Variants in EIF5B observed in about 807,000 individuals in gnomAD.
The protein encoded by EIF5B is eIF-5B.
Under a neutral mutation model 147.5 loss-of-function variants are expected in EIF5B, and 47 were observed. The ratio of observed to expected loss-of-function variants is 0.32; its 90% CI spans 0.25 to 0.41. EIF5B has a LOEUF of 0.41. Ranked by LOEUF, EIF5B falls within the 10% of genes least tolerant of loss-of-function variation. The pLI, the probability that EIF5B is intolerant of heterozygous loss-of-function variation, is 1.00. For synonymous variants in EIF5B, 455 were observed against 456.2 expected, an observed-to-expected ratio of 1.00 and a Z score of 0.03; for missense variants, 1,064 against 1,413.2, an observed-to-expected ratio of 0.75 and a Z score of 3.96.
At chr2:99,359,100 C>T (rs573215560) in intron 1 of EIF5B, among the ~76,000 whole-genome samples, 100 of 151,938 alleles carry the variant, frequency 6.6e-4, no homozygotes, top group Non-Finnish European at 1.4e-3. Flanking sequence ...CAGTGGCTCA[C>T]GCCTGTAATC....
In EIF5B at chr2:99,376,626, G is replaced by A. The variant is rs149537328; in HGVS notation, c.1832G>A (p.Arg611Gln). Residue 611 changes from arginine to glutamine, a missense_variant, in exon 10 of 24, where the codon CGG (arginine) becomes CAG (glutamine). Transcript: ENST00000289371. The part of the protein sequence containing the change: ...KEERAYDKAK[R>Q]RIEKRRLEHS... ...GAAAGGGCTTATGACAAAGCAAAAC[G>A]GAGGATTGAGGTATTTATTTTACCG... The A allele has an allele frequency of 4.0e-4, 644 of 1,596,106 alleles. 2 individuals carry two copies. The highest frequency in any genetic ancestry group is 8.8e-4 in the South Asian group (77 of 87,604).
intron 14 of EIF5B, among the ~76,000 whole-genome samples, chr2:99,388,342 A>G (rs1263730994): frequency 6.6e-6 from 1 of 152,212 alleles, no homozygotes; most frequent in Non-Finnish European, 1.5e-5. Flanking sequence ...GAATGACAGT[A>G]GACATCATCC....
chr2:99,362,794 T>G (rs1259401184), intron 4 of EIF5B, among the ~76,000 whole-genome samples: 2 of 152,044 alleles, frequency 1.3e-5, no homozygotes, highest in African/African-American at 4.8e-5. Flanking sequence ...ATTTCACTCT[T>G]GTTGCCTAGG....
intron 6 of EIF5B, among the ~76,000 whole-genome samples, chr2:99,366,012 G>A (rs754949853): frequency 8.5e-5 from 13 of 152,150 alleles, no homozygotes; most frequent in Non-Finnish European, 1.8e-4. Flanking sequence ...ATCTGCAGGT[G>A]TCTTCATATA....
chr2:99,376,821 C>G (rs1028532317), intron 10 of EIF5B, among the ~76,000 whole-genome samples, 185 bp downstream of exon 10: 1 of 152,116 alleles, frequency 6.6e-6, no homozygotes, highest in East Asian at 1.9e-4. Context: ...ACCCCCCGTC[C>G]CCGCTCTTAC....
In EIF5B at chr2:99,360,348, AAGC is replaced by A. The variant is rs758901642; in HGVS notation, c.151_153del (p.Gln51del). 4.4e-6 allele frequency: 7 copies of A among 1,605,198 alleles called. No homozygotes were observed. The highest frequency in any genetic ancestry group is 6.0e-6 in the Non-Finnish European group (7 of 1,175,740). ...AGGGAAAAAGAAAAAAGAGAAAAAA[AAGC>A]AGGACTTTGAGTAAGTATATTTTAA... On this transcript the variant is annotated inframe_deletion, in exon 2 of 24. Coordinates refer to ENST00000289371, the MANE Select transcript of EIF5B (RefSeq NM_015904.4).
intron 1 of EIF5B, among the ~76,000 whole-genome samples, chr2:99,354,616 T>C (rs184029392): frequency 2.0e-5 from 3 of 152,284 alleles, no homozygotes; most frequent in African/African-American, 7.2e-5. Context: ...TTTACTCTTT[T>C]CCTAAAAGTT....
chr2:99,346,271 C>T (rs970646003), intron 1 of EIF5B, among the ~76,000 whole-genome samples: 1 of 152,194 alleles, frequency 6.6e-6, no homozygotes, highest in African/African-American at 2.4e-5. Context: ...TCTTCAGTTG[C>T]TCCTGTATTG....
At chr2:99,397,029 C>T in intron 22 of EIF5B, 131 bp downstream of exon 22, 1 of 1,036,246 alleles carries the variant, frequency 9.7e-7, no homozygotes, top group Non-Finnish European at 1.3e-6. Flanking sequence ...TCTCCACCTT[C>T]TTAACAAATG....
chr2:99,348,209 A>G (rs1182261145), intron 1 of EIF5B, among the ~76,000 whole-genome samples: 1 of 152,224 alleles, frequency 6.6e-6, no homozygotes, highest in Non-Finnish European at 1.5e-5. Flanking sequence ...ATTGCATTGT[A>G]TAATATAGTA....
intron 17 of EIF5B, 49 bp from the exon 18 acceptor site, chr2:99,392,918 C>A: frequency 7.4e-7 from 1 of 1,359,172 alleles, no homozygotes; most frequent in Non-Finnish European, 9.6e-7. Context: ...TCTTCTACTG[C>A]TAACCACTTT....
chr2:99,361,487 T>C lies in EIF5B; in HGVS notation c.586T>C (p.Ser196Pro), dbSNP rs752845900. The change falls in exon 4 of 24, where the codon TCT becomes CCT. Residue 196 changes from serine (S) to proline (P), a missense_variant. Physicochemically the swap from Ser to Pro is moderately conservative, Grantham distance 74. Transcript: ENST00000289371. ...TGATGAATCAGATGAATTTTTGCAA[T>C]CTAGAAAAGGACAGAAAAAAAATCA... ...SGDESDEFLQ[S>P]RKGQKKNQKN... 6.2e-7 allele frequency: 1 copy of C among 1,613,742 alleles called. No individual in the cohort carries two copies. The highest frequency in any genetic ancestry group is 1.1e-5 in the South Asian group (1 of 91,056).
intron 1 of EIF5B, among the ~76,000 whole-genome samples, chr2:99,352,525 C>CT (rs1163069277): frequency 0.046 from 5,848 of 128,148 alleles, 202 homozygotes; most frequent in African/African-American, 0.096. Context: ...CTAATTGTGT[C>CT]TTTTTTTTTT....
At position 99,363,734 on chromosome 2, in the gene EIF5B, A is replaced by G. The variant is rs10642; in HGVS notation, c.1009A>G (p.Ser337Gly). The change falls in exon 5 of 24, where the codon AGC (serine) becomes GGC (glycine). Residue 337 changes from serine to glycine, a missense_variant. Coordinates refer to ENST00000289371, the MANE Select transcript of EIF5B (RefSeq NM_015904.4). ...AGAGAAAGAGAAGAAAAAAGGACCT[A>G]GCAAAGCCACTGTTAAAGCTATGCA... ...EKEKEKKKGP[S>G]KATVKAMQEA... 6.2e-6 allele frequency: 10 copies of G among 1,611,004 alleles called. No individual in the cohort carries two copies. The highest frequency in any genetic ancestry group is 1.3e-5 in the African/African-American group (1 of 74,656).
rs1407676387 is a variant in EIF5B, at chr2:99,361,759, T to C, written c.858T>C (p.Thr286=). The stretch of plus-strand genomic sequence containing the variant: ...AAGAAACTGTAAAATCCAAAGTGAC[T>C]GTTGATACTGGAGTAATTCCTGCCT... ...FEEETVKSKV[T]VDTGVIPASE... Residue 286 remains threonine (T), a synonymous_variant, in exon 4 of 24, where the codon ACT becomes ACC. Coordinates refer to ENST00000289371, the MANE Select transcript of EIF5B (RefSeq NM_015904.4). 1.9e-6 allele frequency: 3 copies of C among 1,584,122 alleles called. No homozygotes were observed. The highest frequency in any genetic ancestry group is 2.6e-6 in the Non-Finnish European group (3 of 1,172,802).
intron 17 of EIF5B, among the ~76,000 whole-genome samples, chr2:99,392,055 A>G (rs1038783892): frequency 6.6e-6 from 1 of 151,962 alleles, no homozygotes; most frequent in Admixed American, 6.6e-5. Context: ...AAAAAAAAAA[A>G]GTATATAATT....
intron 20 of EIF5B, 63 bp from the exon 21 acceptor site, chr2:99,394,656 A>ACTGTCCT (rs1675007146): frequency 1.2e-6 from 2 of 1,610,930 alleles, no homozygotes; most frequent in Non-Finnish European, 1.7e-6. Flanking sequence ...ATCTTAAAAA[A>ACTGTCCT]CTGTCCTCTG....
intron 1 of EIF5B, among the ~76,000 whole-genome samples, 179 bp downstream of exon 1, chr2:99,337,768 C>T (rs2105330615): frequency 6.6e-6 from 1 of 152,222 alleles, no homozygotes; most frequent in East Asian, 1.9e-4. Flanking sequence ...GCACGTAGGG[C>T]CTCGACGGCG....
At position 99,382,686 on chromosome 2, in the gene EIF5B, A is replaced by G. The variant is rs1674715016; in HGVS notation, c.2130-94A>G. On this transcript the variant is annotated intron_variant, in intron 13 of 23. Coordinates refer to ENST00000289371, the MANE Select transcript of EIF5B (RefSeq NM_015904.4). Reference sequence around the variant, plus strand: ...TTGAACAATTTAATACATATACTCTATTTTGTTTGGGTTTTACAGAGAAGT... The same window carrying G: ...TTGAACAATTTAATACATATACTCTGTTTTGTTTGGGTTTTACAGAGAAGT... 3 of 1,250,640 alleles carry G rather than the reference A, an allele frequency of 2.4e-6. 1 individual carries two copies. Among genetic ancestry groups the G allele is most frequent in the East Asian group, 5.1e-5 (2 of 38,906 alleles). 77.5% of individuals were successfully genotyped at this position (1,250,640 alleles called of 1,614,324 possible).
Sources: gnomAD v4.1 joint callset for allele counts (sites outside exome capture counted in the v4.1 genomes callset) on GRCh38, gnomAD v4.1.1 for gene constraint, MANE v1.5 for transcripts, NCBI Gene and HGNC (gene_info 2026-07-23, HGNC 2026-07-21) for gene names.